The following PRUNE2 variants were observed in gnomAD, a reference collection of about 807,000 sequenced individuals.
The protein encoded by PRUNE2 is protein prune homolog 2.
PRUNE2 carries 164 observed loss-of-function variants against 252.0 expected under a neutral mutation model. That is an observed-to-expected ratio of 0.65 (90% confidence interval 0.57 to 0.74). The LOEUF (loss-of-function observed/expected upper bound fraction) is 0.74, where lower values mean the gene tolerates loss of function less well. Ranked by LOEUF, PRUNE2 falls within the 30% of genes least tolerant of loss-of-function variation. The pLI is 0.00. For synonymous variants in PRUNE2, 1,292 were observed against 1,350.2 expected (o/e 0.96, Z 0.94); for missense variants, 3,495 against 3,711.0 (o/e 0.94, Z 1.51).
chr9:76,812,137 T>C (rs868484783), intron 6 of PRUNE2, among the ~76,000 whole-genome samples: 1 of 152,160 alleles, frequency 6.6e-6, no homozygotes, highest in Non-Finnish European at 1.5e-5. Flanking sequence ...GATGCATCAT[T>C]GCAGAGAGCA....
rs1257948737 is a variant in PRUNE2 at position 76,768,617 on chromosome 9, GTGTGTGTA to G, written c.757-54904_757-54897del. On this transcript the variant is annotated intron_variant, in intron 6 of 18. Coordinates refer to ENST00000376718, the MANE Select transcript of PRUNE2 (RefSeq NM_015225.3). ...TGTGTGTGTGTGTGTGTGTGTGTGTGTGTGTGTATATCCCTGCTGACTAGATCATCAAC... is the reference window on the plus strand; with the variant it reads ...TGTGTGTGTGTGTGTGTGTGTGTGTGTATCCCTGCTGACTAGATCATCAAC... 3.6e-4 allele frequency among the ~76,000 whole-genome samples: 53 copies of G among 146,014 alleles called. No individual in the cohort carries two copies. In the South Asian group the frequency reaches 4.3e-3, roughly 12 times the overall value.
At chr9:76,896,313 A>T (rs1315747673) in intron 1 of PRUNE2, among the ~76,000 whole-genome samples, 3 of 152,238 alleles carry the variant, frequency 2.0e-5, no homozygotes, top group Admixed American at 2.0e-4. Context: ...ATTTACAAGT[A>T]TCATCTCGCA....
At chr9:76,661,064 T>C (rs529303812) in intron 9 of PRUNE2, among the ~76,000 whole-genome samples, 1 of 152,258 alleles carries the variant, frequency 6.6e-6, no homozygotes, top group Admixed American at 6.5e-5. Context: ...TCTAAACCTT[T>C]GTTGTGTTAA....
chr9:76,708,328 A>G lies in PRUNE2; in HGVS notation c.3946T>C (p.Trp1316Arg). The G allele has an allele frequency of 6.2e-7, 1 of 1,613,526 alleles. No individual in the cohort carries two copies. The highest frequency in any genetic ancestry group is 1.3e-5 in the African/African-American group (1 of 74,878). ...NPGYFPHPDPWKGHGDGQSES... is the reference protein window; with the variant it reads ...NPGYFPHPDPRKGHGDGQSES... ...CTTTGTCCATCGCCATGACCTTTCC[A>G]TGGATCTGGGTGTGGAAAATACCCT... The change falls in exon 8 of 19, where the codon TGG (tryptophan) becomes CGG (arginine). Residue 1316 changes from tryptophan (W) to arginine (R), a missense_variant. Coordinates refer to ENST00000376718, the MANE Select transcript of PRUNE2 (RefSeq NM_015225.3).
In PRUNE2 at chr9:76,708,048, T is replaced by C. The variant is rs757037293; in HGVS notation, c.4226A>G (p.Asn1409Ser). 53 of 1,613,968 alleles carry C rather than the reference T, an allele frequency of 3.3e-5. No homozygotes were observed. In the East Asian group the frequency reaches 8.5e-4, roughly 26 times the overall value. Residue 1409 changes from asparagine (N) to serine (S), a missense_variant, in exon 8 of 19, where the codon AAT becomes AGT. Transcript: ENST00000376718. ...EVLEYEEGSY[N>S]LDSRDVQTGM... Reference sequence around the variant, plus strand: ...TGTTTGCACATCACGGGAGTCTAGATTGTAAGACCCCTCCTCATACTCTAA... The same window carrying C: ...TGTTTGCACATCACGGGAGTCTAGACTGTAAGACCCCTCCTCATACTCTAA...
chr9:76,849,740 C>T (rs539171035), intron 3 of PRUNE2, among the ~76,000 whole-genome samples: 6 of 152,052 alleles, frequency 3.9e-5, no homozygotes, highest in Non-Finnish European at 5.9e-5. Context: ...GCAAGAGAAT[C>T]GCTTGAACCT....
intron 6 of PRUNE2, among the ~76,000 whole-genome samples, chr9:76,797,890 C>T (rs1388450476): frequency 6.6e-6 from 1 of 152,118 alleles, no homozygotes; most frequent in Admixed American, 6.5e-5. Context: ...CTGGCAACCA[C>T]CCTCCTCCTT....
At chr9:76,726,860 G>A (rs2048147930) in intron 6 of PRUNE2, among the ~76,000 whole-genome samples, 1 of 152,182 alleles carries the variant, frequency 6.6e-6, no homozygotes, top group South Asian at 2.1e-4. Context: ...AATTTGAAAT[G>A]TTCTACAGGC....
rs764591149 is a variant in PRUNE2 at position 76,826,758 on chromosome 9, T to C, written c.509-26A>G. On this transcript the variant is annotated intron_variant, in intron 4 of 18. Coordinates refer to ENST00000376718, the MANE Select transcript of PRUNE2 (RefSeq NM_015225.3). ...CTGAAAGGTATGAATAAAAATGCTC[T>C]TAAAGCTTTCCAGCCAAGCCAGAAC... 1.0e-5 allele frequency: 16 copies of C among 1,553,360 alleles called. 1 individual carries two copies. In the South Asian group the frequency reaches 1.8e-4, roughly 18 times the overall value.
intron 4 of PRUNE2, among the ~76,000 whole-genome samples, chr9:76,840,690 T>C (rs529066738): frequency 6.6e-6 from 1 of 152,074 alleles, no homozygotes; most frequent in Non-Finnish European, 1.5e-5. Flanking sequence ...TACATAAAAA[T>C]TTGTTCTAGG....
chr9:76,633,580 C>CA (rs566175941), intron 15 of PRUNE2, among the ~76,000 whole-genome samples: 32,978 of 132,830 alleles, frequency 0.25, 3,893 homozygotes, highest in African/African-American at 0.31. Context: ...GAGGTTGTCT[C>CA]AAAAAAAAAA....
chr9:76,673,376 G>C (rs1257355145), intron 9 of PRUNE2, among the ~76,000 whole-genome samples: 1 of 142,216 alleles, frequency 7.0e-6, no homozygotes, highest in African/African-American at 2.6e-5. Context: ...TCTCTGAATA[G>C]ACCAATAACA....
chr9:76,836,378 TA>T (rs2058975499), intron 4 of PRUNE2, among the ~76,000 whole-genome samples: 1 of 148,606 alleles, frequency 6.7e-6, no homozygotes, highest in Admixed American at 6.9e-5. Flanking sequence ...TAGAATCAGA[TA>T]GGGGGAGGGA....
At position 76,744,562 on chromosome 9, in the gene PRUNE2, C is replaced by A. The variant is rs77072252; in HGVS notation, c.757-30841G>T. 9.3e-3 allele frequency among the ~76,000 whole-genome samples: 1,421 copies of A among 152,288 alleles called. 24 individuals are homozygous for A. Among genetic ancestry groups the A allele is most frequent in the East Asian group, 0.077 (401 of 5,186 alleles). On this transcript the variant is annotated intron_variant, in intron 6 of 18. Transcript: ENST00000376718. ...ACCCACACACCCTTCCTACTCTAAACCTTGGAGGTGGGGCAGAATATGAAC... is the reference window on the plus strand; with the variant it reads ...ACCCACACACCCTTCCTACTCTAAAACTTGGAGGTGGGGCAGAATATGAAC...
intron 9 of PRUNE2, among the ~76,000 whole-genome samples, chr9:76,670,531 G>A (rs1460184569): frequency 6.6e-5 from 10 of 151,674 alleles, no homozygotes; most frequent in East Asian, 1.9e-4. Flanking sequence ...CAGGAAGCTC[G>A]AACTGGGTGG....
chr9:76,834,502 C>T (rs1219781907), intron 4 of PRUNE2, among the ~76,000 whole-genome samples: 2 of 152,056 alleles, frequency 1.3e-5, no homozygotes, highest in Non-Finnish European at 2.9e-5. Flanking sequence ...ACTTAATGTG[C>T]CCTGGCTTAC....
intron 6 of PRUNE2, among the ~76,000 whole-genome samples, chr9:76,729,334 T>G (rs558719746): frequency 6.6e-6 from 1 of 152,314 alleles, no homozygotes; most frequent in African/African-American, 2.4e-5. Context: ...GGCTGTTAGT[T>G]CTAGCGAGCT....
rs536220779 is a variant in PRUNE2, at chr9:76,628,008, T to C, written c.9149+1184A>G. 1.6e-5 allele frequency: 3 copies of C among 184,756 alleles called. No individual in the cohort carries two copies. The East Asian group carries it at 4.7e-4, about 29-fold the overall frequency. 11.4% of individuals were successfully genotyped at this position (184,756 alleles called of 1,614,324 possible). On this transcript the variant is annotated intron_variant, in intron 16 of 18. Transcript: ENST00000376718. ...AAAGTGAGAGGACTCTTTTTTGGAA[T>C]CCCAAACGAGAGGTACATTTTGCTA...
At chr9:76,638,628 G>A (rs1441752005) in intron 12 of PRUNE2, among the ~76,000 whole-genome samples, 1 of 152,166 alleles carries the variant, frequency 6.6e-6, no homozygotes, top group Non-Finnish European at 1.5e-5. Flanking sequence ...GGGCAAGACT[G>A]ACCTAAATGT....
Sources: gnomAD v4.1 joint callset for allele counts (sites outside exome capture counted in the v4.1 genomes callset) on GRCh38, gnomAD v4.1.1 for gene constraint, MANE v1.5 for transcripts, NCBI Gene and HGNC (gene_info 2026-07-23, HGNC 2026-07-21) for gene names.